Variants in ATP8A1 observed in about 807,000 individuals in gnomAD.
ATP8A1 encodes phospholipid-transporting ATPase IA.
ATP8A1 carries 90 observed loss-of-function variants against 177.7 expected under a neutral mutation model. The ratio of observed to expected loss-of-function variants is 0.51; its 90% CI spans 0.43 to 0.60. The LOEUF is 0.60. Ranked by LOEUF, ATP8A1 falls within the 20% of genes least tolerant of loss-of-function variation. The probability of loss-of-function intolerance (pLI) is 0.00; values close to 1 mark genes in which losing one functional copy is unlikely to be tolerated. For missense variants in ATP8A1, 1,072 were observed against 1,392.8 expected, an observed-to-expected ratio of 0.77 and a Z score of 3.67; for synonymous variants, 493 against 485.9, an observed-to-expected ratio of 1.01 and a Z score of -0.19.
chr4:42,531,448 C>T (rs975236732), intron 20 of ATP8A1, among the ~76,000 whole-genome samples: 11 of 152,182 alleles, frequency 7.2e-5, no homozygotes, highest in African/African-American at 2.7e-4. Context: ...CTCACCAATT[C>T]CCCAGCTAAC....
chr4:42,626,438 T>C (rs1738092633), intron 2 of ATP8A1: 2 of 152,490 alleles, frequency 1.3e-5, no homozygotes, highest in South Asian at 2.1e-4. Context: ...TTTATTGGTA[T>C]TGAAGGTGTT....
At chr4:42,637,553 A>G (rs1739521834) in intron 1 of ATP8A1, among the ~76,000 whole-genome samples, 1 of 152,228 alleles carries the variant, frequency 6.6e-6, no homozygotes. Context: ...ACTTTTTAAA[A>G]GAGTTCTAAA....
intron 30 of ATP8A1, among the ~76,000 whole-genome samples, chr4:42,449,056 G>A (rs750933109): frequency 2.0e-5 from 3 of 151,744 alleles, no homozygotes; most frequent in Non-Finnish European, 2.9e-5. Flanking sequence ...GGCTGGTCTC[G>A]AACTCCTGAC....
intron 12 of ATP8A1, among the ~76,000 whole-genome samples, chr4:42,578,032 C>T (rs990012516): frequency 3.9e-5 from 6 of 152,100 alleles, no homozygotes; most frequent in East Asian, 1.9e-4. Flanking sequence ...CCATCTCCCA[C>T]GACCACCATA....
chr4:42,564,947 T>C (rs1731208942), intron 15 of ATP8A1, among the ~76,000 whole-genome samples: 1 of 152,228 alleles, frequency 6.6e-6, no homozygotes, highest in Admixed American at 6.5e-5. Context: ...TCCTGTGCTG[T>C]TCTCGTGACA....
chr4:42,626,655 C>A, intron 2 of ATP8A1: 1 of 275,066 alleles, frequency 3.6e-6, no homozygotes, highest in South Asian at 4.4e-5. Flanking sequence ...GCAAAGACCT[C>A]TTCTAAAATG....
intron 9 of ATP8A1, among the ~76,000 whole-genome samples, chr4:42,582,619 C>T (rs910428763): frequency 1.3e-5 from 2 of 151,820 alleles, no homozygotes; most frequent in Non-Finnish European, 2.9e-5. Flanking sequence ...CCAGCCCTGA[C>T]CCCCTACAGA....
intron 20 of ATP8A1, among the ~76,000 whole-genome samples, chr4:42,539,403 C>CT (rs985873845): frequency 2.7e-5 from 4 of 146,354 alleles, no homozygotes; most frequent in Admixed American, 1.4e-4. Context: ...ATACCCCCCC[C>CT]CCAACAAAAA....
chr4:42,648,783 C>A (rs1356755972), intron 1 of ATP8A1, among the ~76,000 whole-genome samples: 1 of 151,998 alleles, frequency 6.6e-6, no homozygotes, highest in Non-Finnish European at 1.5e-5. Flanking sequence ...CAATACAAAA[C>A]TTGATAAACA....
chr4:42,441,416 A>T (rs1309296892), intron 33 of ATP8A1, among the ~76,000 whole-genome samples: 1 of 152,172 alleles, frequency 6.6e-6, no homozygotes, highest in Non-Finnish European at 1.5e-5. Flanking sequence ...AGAAAAATAT[A>T]GACCTAAGAG....
At position 42,555,158 on chromosome 4, in the gene ATP8A1, C is replaced by CT. The variant is rs1553903432; in HGVS notation, c.1413+809dup. The stretch of plus-strand genomic sequence containing the variant: ...CTATCTAATCTATCTATCTATCTAT[C>CT]TATCTATCTATCTATCTATCTATCT... On this transcript the variant is annotated intron_variant, in intron 16 of 36. Transcript: ENST00000381668. 3.0e-5 allele frequency among the ~76,000 whole-genome samples: 4 copies of CT among 133,272 alleles called. No homozygotes were observed. In the South Asian group the frequency reaches 9.8e-4, roughly 33 times the overall value. 87.4% of individuals were successfully genotyped at this position (133,272 alleles called of 152,430 possible).
At chr4:42,624,162 A>C (rs993213682) in intron 4 of ATP8A1, among the ~76,000 whole-genome samples, 1 of 152,162 alleles carries the variant, frequency 6.6e-6, no homozygotes, top group South Asian at 2.1e-4. Context: ...GCATTTAATA[A>C]AATGAAATTT....
chr4:42,493,571 G>C (rs933097161), intron 24 of ATP8A1, among the ~76,000 whole-genome samples: 1 of 152,102 alleles, frequency 6.6e-6, no homozygotes, highest in Non-Finnish European at 1.5e-5. Flanking sequence ...CCAGAGTTAT[G>C]TATGTATTTC....
At chr4:42,532,191 T>A (rs934735504) in intron 20 of ATP8A1, among the ~76,000 whole-genome samples, 2 of 151,702 alleles carry the variant, frequency 1.3e-5, no homozygotes, top group African/African-American at 4.8e-5. Flanking sequence ...AGGTGAAAGA[T>A]CTCTATAAGA....
At chr4:42,525,496 A>G (rs1286083595) in intron 20 of ATP8A1, among the ~76,000 whole-genome samples, 5 of 152,176 alleles carry the variant, frequency 3.3e-5, no homozygotes, top group African/African-American at 1.2e-4. Context: ...ATAGCTGAAT[A>G]TTTCTGATTG....
At chr4:42,444,841 C>G (rs953303846) in intron 31 of ATP8A1, among the ~76,000 whole-genome samples, 10 of 152,170 alleles carry the variant, frequency 6.6e-5, no homozygotes, top group African/African-American at 2.4e-4. Context: ...CCCAGGGCAG[C>G]ACTGCACTTC....
At chr4:42,488,185 C>T (rs114248027) in intron 24 of ATP8A1, among the ~76,000 whole-genome samples, 71 of 152,268 alleles carry the variant, frequency 4.7e-4, no homozygotes, top group South Asian at 8.3e-4. Context: ...TTAGCACATA[C>T]TACACACTAA....
intron 9 of ATP8A1, among the ~76,000 whole-genome samples, chr4:42,583,152 G>C (rs1298891173): frequency 7.2e-6 from 1 of 138,170 alleles, no homozygotes; most frequent in Non-Finnish European, 1.6e-5. Flanking sequence ...TAGCAGCTTG[G>C]GCCTTGGACA....
intron 25 of ATP8A1, among the ~76,000 whole-genome samples, chr4:42,471,133 T>A (rs1720356102): frequency 6.6e-6 from 1 of 152,190 alleles, no homozygotes; most frequent in African/African-American, 2.4e-5. Context: ...ACCATCAACT[T>A]GTTACTTGGA....
Sources: allele counts gnomAD v4.1 joint callset (sites outside exome capture counted in the v4.1 genomes callset), GRCh38; gene constraint gnomAD v4.1.1; transcripts MANE v1.5; gene names NCBI Gene and HGNC (gene_info 2026-07-23, HGNC 2026-07-21).